The following PCDHA13 variants were observed in gnomAD, a reference collection of about 807,000 sequenced individuals.
PCDHA13 encodes protocadherin alpha 13.
Under a neutral mutation model 64.8 loss-of-function variants are expected in PCDHA13, and 54 were observed. That is an observed-to-expected ratio of 0.83 (90% CI 0.67 to 1.04). PCDHA13 has a LOEUF of 1.04. Among genes scored for constraint, PCDHA13 ranks in the 50% least tolerant of loss-of-function variants. The pLI is 0.00. For missense variants in PCDHA13, 1,248 were observed against 1,254.3 expected (o/e 0.99, Z 0.08); for synonymous variants, 587 against 564.4 (o/e 1.04, Z -0.57).
In PCDHA13 at chr5:140,928,021, T is replaced by G. The variant is rs1554205382; in HGVS notation, c.2394+43359T>G. ...CCTCGATTCTAATGGTAGGGTCATT[T>G]GTGGCATGTCTAGTGCAGGCCCTTT... On this transcript the variant is annotated intron_variant, in intron 1 of 3. Coordinates refer to ENST00000289272, the MANE Select transcript of PCDHA13 (RefSeq NM_018904.3). 3 of 1,614,220 alleles carry G rather than the reference T, an allele frequency of 1.9e-6. No individual in the cohort carries two copies. The African/African-American group carries it at 4.0e-5, about 22-fold the overall frequency.
In PCDHA13 at chr5:140,941,764, A is replaced by G. The variant is rs116374830; in HGVS notation, c.2395-37185A>G. 5.7e-3 allele frequency among the ~76,000 whole-genome samples: 869 copies of G among 152,306 alleles called. 7 individuals are homozygous for G. Among genetic ancestry groups the G allele is most frequent in the African/African-American group, 0.018 (768 of 41,560 alleles). ...TTATCAGATTTTCAGTGCTTTTAAG[A>G]TAATTGTTTTAATGTTTTACCCAAG... On this transcript the variant is annotated intron_variant, in intron 1 of 3. Coordinates refer to ENST00000289272, the MANE Select transcript of PCDHA13 (RefSeq NM_018904.3).
At chr5:140,966,736 T>A in intron 1 of PCDHA13, 1 of 1,418,140 alleles carries the variant, frequency 7.1e-7, no homozygotes, top group Non-Finnish European at 9.2e-7. Context: ...CCTCCGGCCC[T>A]GCCCGGCTGC....
At chr5:140,892,561 A>T (rs766284976) in intron 1 of PCDHA13, among the ~76,000 whole-genome samples, 1 of 152,156 alleles carries the variant, frequency 6.6e-6, no homozygotes, top group Non-Finnish European at 1.5e-5. Context: ...GTCCTTGGAG[A>T]CTGTCAAAAG....
At chr5:140,940,497 C>T (rs1314378548) in intron 1 of PCDHA13, among the ~76,000 whole-genome samples, 1 of 151,818 alleles carries the variant, frequency 6.6e-6, no homozygotes, top group Non-Finnish European at 1.5e-5. Context: ...AAGTCTTGCT[C>T]CGTCGCTCAG....
At chr5:140,895,898 G>A (rs1023440863) in intron 1 of PCDHA13, among the ~76,000 whole-genome samples, 2 of 152,016 alleles carry the variant, frequency 1.3e-5, no homozygotes, top group South Asian at 4.1e-4. Flanking sequence ...TGCAACCTCC[G>A]CGTCCCGGGC....
At chr5:140,912,164 C>G (rs1554195175) in intron 1 of PCDHA13, among the ~76,000 whole-genome samples, 1 of 152,158 alleles carries the variant, frequency 6.6e-6, no homozygotes, top group Non-Finnish European at 1.5e-5. Flanking sequence ...TTTATTCTGG[C>G]TGTGCTGGCA....
chr5:140,899,752 A>G lies in PCDHA13; in HGVS notation c.2394+15090A>G, dbSNP rs190521600. On this transcript the variant is annotated intron_variant, in intron 1 of 3. Transcript: ENST00000289272. ...ATTGATTGGAATAGTTTCAGAAGGA[A>G]TGGTACCAGTTCCTCCTTTTACCTC... Among the ~76,000 whole-genome samples the G allele has an allele frequency of 4.0e-4, 61 of 152,320 alleles. No homozygotes were observed. The East Asian group carries it at 8.7e-3, about 22-fold the overall frequency.
At chr5:140,903,545 CTT>C (rs1410531246) in intron 1 of PCDHA13, among the ~76,000 whole-genome samples, 2 of 152,130 alleles carry the variant, frequency 1.3e-5, no homozygotes, top group East Asian at 3.8e-4. Flanking sequence ...GAGCAAGAAA[CTT>C]TTCTAATAAG....
intron 3 of PCDHA13, among the ~76,000 whole-genome samples, chr5:141,003,433 T>G (rs1479468480): frequency 2.0e-5 from 3 of 152,112 alleles, no homozygotes; most frequent in African/African-American, 7.2e-5. Flanking sequence ...TGCCTCAGCC[T>G]CCCAAGTAGA....
chr5:140,883,455 A>T lies in PCDHA13; in HGVS notation c.1187A>T (p.Lys396Met). 1 of 1,614,128 alleles carries T rather than the reference A, an allele frequency of 6.2e-7. No individual in the cohort carries two copies. Among genetic ancestry groups the T allele is most frequent in the East Asian group, 2.2e-5 (1 of 44,862 alleles). The change falls in exon 1 of 4, where the codon AAG becomes ATG. Residue 396 changes from lysine (K) to methionine (M), a missense_variant. Physicochemically the swap from Lys to Met is moderately conservative, Grantham distance 95 (BLOSUM62 -1). Transcript: ENST00000289272. ...TCTLTPHVPF[K>M]LVSTYKNYYS... ...ACCTTGACGCCGCATGTCCCCTTCA[A>T]GCTGGTGTCCACCTACAAGAACTAC...
chr5:140,969,587 T>G, intron 1 of PCDHA13: 1 of 850,882 alleles, frequency 1.2e-6, no homozygotes, highest in Non-Finnish European at 1.8e-6. Context: ...AGGATTAGTC[T>G]TAATATTTAA....
At position 140,929,044 on chromosome 5, in the gene PCDHA13, T is replaced by C. The variant is rs17844369; in HGVS notation, c.2394+44382T>C. ...GAGCCCAGGCTGTTGCGCTCAGAGC[T>C]GCTGTCGCTCTACAGAGGATCTGAG... On this transcript the variant is annotated intron_variant, in intron 1 of 3. Coordinates refer to ENST00000289272, the MANE Select transcript of PCDHA13 (RefSeq NM_018904.3). 7 of 1,614,100 alleles carry C rather than the reference T, an allele frequency of 4.3e-6. No individual in the cohort carries two copies. The East Asian group carries it at 1.6e-4, about 36-fold the overall frequency.
At chr5:140,982,748 G>C (rs2097001127) in intron 3 of PCDHA13, among the ~76,000 whole-genome samples, 185 bp downstream of exon 3, 1 of 151,896 alleles carries the variant, frequency 6.6e-6, no homozygotes, top group African/African-American at 2.4e-5. Flanking sequence ...TGCTCTTCAG[G>C]AGTTGAAAAA....
rs782314357 is a variant in PCDHA13 at position 140,927,486 on chromosome 5, C to G, written c.2394+42824C>G. The G allele has an allele frequency of 6.2e-6, 10 of 1,614,128 alleles. No individual in the cohort carries two copies. In the East Asian group the frequency reaches 2.2e-4, roughly 36 times the overall value. ...CACTGGATCGCGAACAGCGCGCCACCCACCTGCTGGTGCTTACAGCTCGGG... is the reference window on the plus strand; with the variant it reads ...CACTGGATCGCGAACAGCGCGCCACGCACCTGCTGGTGCTTACAGCTCGGG... On this transcript the variant is annotated intron_variant, in intron 1 of 3. Coordinates refer to ENST00000289272, the MANE Select transcript of PCDHA13 (RefSeq NM_018904.3).
At chr5:140,889,949 A>C (rs1444545834) in intron 1 of PCDHA13, among the ~76,000 whole-genome samples, 1 of 152,202 alleles carries the variant, frequency 6.6e-6, no homozygotes. Flanking sequence ...GAGAAGCCAA[A>C]TGGATAGAAA....
At chr5:140,952,104 C>T (rs1009516552) in intron 1 of PCDHA13, among the ~76,000 whole-genome samples, 3 of 152,102 alleles carry the variant, frequency 2.0e-5, no homozygotes, top group South Asian at 2.1e-4. Flanking sequence ...AGGGCACACT[C>T]GTGTGAGGGA....
At position 140,884,550 on chromosome 5, in the gene PCDHA13, G is replaced by C. The variant is rs781916237; in HGVS notation, c.2282G>C (p.Gly761Ala). ...SQQRRPRVCSGEGPHKTDLMA... is the reference protein window; with the variant it reads ...SQQRRPRVCSAEGPHKTDLMA... ...CAGAGGCGGCCGAGGGTGTGCTCTG[G>C]GGAGGGCCCGCATAAGACGGACCTC... The change falls in exon 1 of 4, where the codon GGG becomes GCG. Residue 761 changes from glycine to alanine, a missense_variant. Gly to Ala is a moderately conservative substitution (Grantham distance 60). Coordinates refer to ENST00000289272, the MANE Select transcript of PCDHA13 (RefSeq NM_018904.3). The C allele has an allele frequency of 1.2e-6, 2 of 1,614,118 alleles. No homozygotes were observed. The highest frequency in any genetic ancestry group is 1.7e-6 in the Non-Finnish European group (2 of 1,180,010).
intron 1 of PCDHA13, among the ~76,000 whole-genome samples, chr5:140,958,345 C>G (rs1220590485): frequency 6.6e-6 from 1 of 152,044 alleles, no homozygotes; most frequent in African/African-American, 2.4e-5. Flanking sequence ...ACAGGAAGTT[C>G]ACAGTCTGAC....
intron 1 of PCDHA13, among the ~76,000 whole-genome samples, chr5:140,912,180 T>C (rs2075805933): frequency 6.6e-6 from 1 of 152,168 alleles, no homozygotes; most frequent in South Asian, 2.1e-4. Flanking sequence ...TGGCAGCTGA[T>C]TAGATTGTGC....
Sources: gnomAD v4.1 joint callset for allele counts (sites outside exome capture counted in the v4.1 genomes callset) on GRCh38, gnomAD v4.1.1 for gene constraint, MANE v1.5 for transcripts, NCBI Gene and HGNC (gene_info 2026-07-23, HGNC 2026-07-21) for gene names.